Variants in SPIRE1 observed in about 807,000 individuals in gnomAD.
SPIRE1 encodes spire type actin nucleation factor 1.
Under a neutral mutation model 94.1 loss-of-function variants are expected in SPIRE1, and 40 were observed. The observed-to-expected ratio is 0.43, with a 90% CI of 0.33 to 0.55. SPIRE1 has a LOEUF of 0.55. SPIRE1 is among the 20% of genes least tolerant of loss of function. The pLI is 0.06. For synonymous variants in SPIRE1, 376 were observed against 371.7 expected (o/e 1.01, Z -0.13); for missense variants, 838 against 975.2 (o/e 0.86, Z 1.87).
At chr18:12,620,023 AC>A (rs1251932756) in intron 2 of SPIRE1, among the ~76,000 whole-genome samples, 1 of 152,142 alleles carries the variant, frequency 6.6e-6, no homozygotes, top group Non-Finnish European at 1.5e-5. Flanking sequence ...TGATGAATAA[AC>A]AAAAATCAGC....
At chr18:12,590,071 A>C (rs1490179901) in intron 2 of SPIRE1, among the ~76,000 whole-genome samples, 1 of 149,640 alleles carries the variant, frequency 6.7e-6, no homozygotes, top group Non-Finnish European at 1.5e-5. Context: ...AGCCATCCTA[A>C]AATGCCATCT....
chr18:12,532,993 C>T (rs375517488), intron 4 of SPIRE1, among the ~76,000 whole-genome samples: 40 of 152,136 alleles, frequency 2.6e-4, no homozygotes, highest in African/African-American at 8.9e-4. Context: ...GAGGAGAGAT[C>T]GGCTTCCCGC....
intron 2 of SPIRE1, among the ~76,000 whole-genome samples, chr18:12,547,306 A>G (rs1228597237): frequency 6.6e-6 from 1 of 152,230 alleles, no homozygotes; most frequent in African/African-American, 2.4e-5. Flanking sequence ...CCATGTATAC[A>G]CACTTCTCTA....
intron 4 of SPIRE1, among the ~76,000 whole-genome samples, chr18:12,518,303 C>A (rs895203546): frequency 3.9e-5 from 6 of 152,120 alleles, no homozygotes; most frequent in Admixed American, 3.9e-4. Flanking sequence ...AGCAACCACA[C>A]TGGGCAACAT....
chr18:12,655,753 A>G (rs189171512), intron 1 of SPIRE1, among the ~76,000 whole-genome samples: 1 of 152,196 alleles, frequency 6.6e-6, no homozygotes, highest in East Asian at 1.9e-4. Flanking sequence ...ACAAAACTAC[A>G]CGATTTTGGG....
At chr18:12,577,003 T>C (rs914605153) in intron 2 of SPIRE1, among the ~76,000 whole-genome samples, 10 of 151,560 alleles carry the variant, frequency 6.6e-5, no homozygotes, top group Middle Eastern at 3.4e-3. Context: ...ACTTACATGA[T>C]AAATGGATTT....
intron 2 of SPIRE1, among the ~76,000 whole-genome samples, chr18:12,563,311 T>A (rs980229939): frequency 2.0e-5 from 3 of 151,922 alleles, no homozygotes; most frequent in African/African-American, 7.2e-5. Flanking sequence ...CATACAACTA[T>A]TATATTAGTC....
intron 1 of SPIRE1, among the ~76,000 whole-genome samples, chr18:12,641,868 T>C (rs551187928): frequency 1.3e-5 from 2 of 149,190 alleles, no homozygotes; most frequent in South Asian, 4.3e-4. Context: ...AGTCTTGCTC[T>C]GTCGCCCAGG....
chr18:12,658,083 G>A lies in SPIRE1; in HGVS notation c.-217C>T, dbSNP rs2144925723. Reference sequence around the variant, plus strand: ...CTGCAGTCCCGGTCAGACAGCCGCCGGCCGGTAGCGACGCGATGGCGTCCG... The same window carrying A: ...CTGCAGTCCCGGTCAGACAGCCGCCAGCCGGTAGCGACGCGATGGCGTCCG... On this transcript the variant is annotated 5_prime_UTR_variant, in exon 1 of 17. Coordinates refer to ENST00000409402, the MANE Select transcript of SPIRE1 (RefSeq NM_001128626.2). 1.0e-6 allele frequency: 1 copy of A among 991,882 alleles called. No individual in the cohort carries two copies. Among genetic ancestry groups the A allele is most frequent in the Non-Finnish European group, 1.2e-6 (1 of 835,390 alleles). 61.4% of individuals were successfully genotyped at this position (991,882 alleles called of 1,614,324 possible).
At chr18:12,456,931 G>C (rs757301733) in intron 12 of SPIRE1, among the ~76,000 whole-genome samples, 1 of 152,134 alleles carries the variant, frequency 6.6e-6, no homozygotes, top group Non-Finnish European at 1.5e-5. Context: ...TCTGCCTCCC[G>C]GGTTCAAGTG....
rs1673759159 is a variant in SPIRE1, at chr18:12,447,422, G to C, written c.*2216C>G. 1 of 145,292 alleles carries C rather than the reference G, an allele frequency of 6.9e-6. No homozygotes were observed. Among genetic ancestry groups the C allele is most frequent in the Non-Finnish European group, 1.5e-5 (1 of 64,790 alleles). The allele number at this position is 145,292 out of a possible 1,614,324, so 9.0% of individuals were successfully genotyped here. A position where few individuals can be genotyped will look rare whatever the true frequency, so the allele number is the denominator to read the frequency against. On this transcript the variant is annotated 3_prime_UTR_variant, in exon 17 of 17. Transcript: ENST00000409402. ...AACTATGTAGCTGACGTGAAGTGTGGAGGGGGGTGGTAGAAAGGGGGGTTA... is the reference window on the plus strand; with the variant it reads ...AACTATGTAGCTGACGTGAAGTGTGCAGGGGGGTGGTAGAAAGGGGGGTTA...
At chr18:12,452,187 C>T (rs1372114484) in intron 16 of SPIRE1, 68 bp downstream of exon 16, 3 of 1,597,690 alleles carry the variant, frequency 1.9e-6, no homozygotes, top group Non-Finnish European at 1.7e-6. Flanking sequence ...TAACACTCTA[C>T]CACAGTCCTC....
intron 2 of SPIRE1, among the ~76,000 whole-genome samples, chr18:12,615,473 G>A (rs1181144927): frequency 1.1e-4 from 15 of 137,522 alleles, no homozygotes; most frequent in Non-Finnish European, 1.7e-4. Context: ...CAGGGAGGTG[G>A]AGGTTGCAGT....
rs1015271641 is a variant in SPIRE1, at chr18:12,501,089, A to G, written c.973-4987T>C. ...CTCTGTCTCAAAAAAAAAAAAAAAA[A>G]AAAAAAGAAAAAAAAAAAGAAGGAG... On this transcript the variant is annotated intron_variant, in intron 6 of 16. Coordinates refer to ENST00000409402, the MANE Select transcript of SPIRE1 (RefSeq NM_001128626.2). Among the ~76,000 whole-genome samples, 702 of 141,018 alleles carry G rather than the reference A, an allele frequency of 5.0e-3. 3 individuals are homozygous for G. The highest frequency in any genetic ancestry group is 6.7e-3 in the African/African-American group (265 of 39,684). The allele number at this position is 141,018 out of a possible 152,430, so 92.5% of individuals were successfully genotyped here.
chr18:12,512,361 T>G, intron 5 of SPIRE1, 93 bp downstream of exon 5: 1 of 877,172 alleles, frequency 1.1e-6, no homozygotes. Flanking sequence ...CACTGCAGCC[T>G]GAGCAACAGA....
At chr18:12,535,691 T>C (rs918140910) in intron 3 of SPIRE1, 90 bp from the exon 4 acceptor site, 1 of 1,238,314 alleles carries the variant, frequency 8.1e-7, no homozygotes, top group African/African-American at 1.5e-5. Flanking sequence ...GTGCAGTGGT[T>C]CACGCCTGTA....
chr18:12,550,820 C>T (rs1177981306), intron 2 of SPIRE1, among the ~76,000 whole-genome samples: 2 of 152,204 alleles, frequency 1.3e-5, no homozygotes, highest in Admixed American at 1.3e-4. Flanking sequence ...TTAATAGCAT[C>T]CAACACAAGT....
At chr18:12,476,602 CACACACATATAT>C (rs546297478) in intron 10 of SPIRE1, among the ~76,000 whole-genome samples, 5,380 of 131,912 alleles carry the variant, frequency 0.041, 327 homozygotes, top group African/African-American at 0.13. Flanking sequence ...CACACACACA[CACACACATATAT>C]ACACACACAT....
upstream of SPIRE1, chr18:12,661,362 T>C: frequency 1.0e-6 from 1 of 984,722 alleles, no homozygotes; most frequent in Non-Finnish European, 1.2e-6. Flanking sequence ...ATCACAACAC[T>C]CTGAAAGTGA....
Sources: gnomAD v4.1 joint callset for allele counts (sites outside exome capture counted in the v4.1 genomes callset) on GRCh38, gnomAD v4.1.1 for gene constraint, MANE v1.5 for transcripts, NCBI Gene and HGNC (gene_info 2026-07-23, HGNC 2026-07-21) for gene names.